Variants in NELL1 observed in about 807,000 individuals in gnomAD.
NELL1 encodes neural EGFL like 1.
In NELL1, 76 loss-of-function variants were observed where a neutral mutation model predicts 107.4. That is an observed-to-expected ratio of 0.71 (90% CI 0.59 to 0.86). The LOEUF (loss-of-function observed/expected upper bound fraction) is 0.86, where lower values mean the gene tolerates loss of function less well. NELL1 is among the 40% of genes least tolerant of loss of function. The probability of loss-of-function intolerance (pLI) is 0.00; values close to 1 mark genes in which losing one functional copy is unlikely to be tolerated. For synonymous variants in NELL1, 353 were observed against 341.2 expected, an observed-to-expected ratio of 1.03 and a Z score of -0.38; for missense variants, 1,024 against 1,005.5, an observed-to-expected ratio of 1.02 and a Z score of -0.25.
At chr11:20,947,550 C>T (rs1850989524) in intron 11 of NELL1, 115 bp downstream of exon 11, 2 of 741,626 alleles carry the variant, frequency 2.7e-6, no homozygotes, top group Non-Finnish European at 2.4e-6. Context: ...CTGTGCGCTG[C>T]TCCTTAAAAA....
At chr11:21,100,022 T>C (rs998136655) in intron 12 of NELL1, among the ~76,000 whole-genome samples, 3 of 139,380 alleles carry the variant, frequency 2.2e-5, no homozygotes, top group Admixed American at 7.0e-5. Context: ...ATTTTAGCCC[T>C]TTTTTTTTTT....
intron 15 of NELL1, among the ~76,000 whole-genome samples, chr11:21,525,630 G>C (rs1855833058): frequency 6.6e-6 from 1 of 152,064 alleles, no homozygotes; most frequent in Admixed American, 6.6e-5. Context: ...TCTGAGACTG[G>C]GTAATTTAGA....
Position 21,546,515 on chromosome 11 carries a change from G to A in NELL1, c.1786+12001G>A, listed in dbSNP as rs763138263. Among the ~76,000 whole-genome samples, 4 of 152,040 alleles carry A rather than the reference G, an allele frequency of 2.6e-5. 1 individual carries two copies. In the South Asian group the frequency reaches 6.2e-4, roughly 24 times the overall value. ...ACCAGTGGGAGGTAACTGAATCATG[G>A]GGGAGGGTTTTCCCTGCTACTCTCA... On this transcript the variant is annotated intron_variant, in intron 16 of 19. Coordinates refer to ENST00000357134, the MANE Select transcript of NELL1 (RefSeq NM_006157.5).
intron 4 of NELL1, among the ~76,000 whole-genome samples, chr11:20,878,477 T>C (rs1481809990): frequency 6.6e-6 from 1 of 152,122 alleles, no homozygotes; most frequent in Non-Finnish European, 1.5e-5. Context: ...GTTGTCTGCC[T>C]GATAGATTCA....
chr11:20,797,216 C>T (rs1195098496), intron 3 of NELL1, among the ~76,000 whole-genome samples: 1 of 152,158 alleles, frequency 6.6e-6, no homozygotes, highest in Non-Finnish European at 1.5e-5. Flanking sequence ...AGAAAGACCA[C>T]ACTGGCTGCT....
intron 15 of NELL1, among the ~76,000 whole-genome samples, chr11:21,429,355 T>C (rs1852911562): frequency 5.3e-5 from 8 of 152,218 alleles, no homozygotes; most frequent in Admixed American, 3.9e-4. Context: ...TTTTAACTGA[T>C]TTTCAATCAA....
chr11:20,737,883 C>G (rs1039109722), intron 2 of NELL1, among the ~76,000 whole-genome samples: 3 of 151,026 alleles, frequency 2.0e-5, no homozygotes, highest in African/African-American at 7.3e-5. Flanking sequence ...GTGCAATGCT[C>G]AGAGTTGGAA....
intron 14 of NELL1, among the ~76,000 whole-genome samples, chr11:21,308,305 G>T (rs1179663260): frequency 6.6e-6 from 1 of 151,936 alleles, no homozygotes; most frequent in Non-Finnish European, 1.5e-5. Flanking sequence ...TTGAAAATCT[G>T]GTTTCTGAGC....
At chr11:21,359,509 T>A (rs1851023002) in intron 14 of NELL1, among the ~76,000 whole-genome samples, 1 of 152,198 alleles carries the variant, frequency 6.6e-6, no homozygotes, top group African/African-American at 2.4e-5. Flanking sequence ...AGGGTAATAC[T>A]GGCTTCATAA....
chr11:21,354,142 A>G (rs1200813004), intron 14 of NELL1, among the ~76,000 whole-genome samples: 1 of 152,154 alleles, frequency 6.6e-6, no homozygotes, highest in Non-Finnish European at 1.5e-5. Context: ...TCACATAGCT[A>G]GAAAATGGCA....
chr11:21,574,014 G>A (rs1182412653), intron 19 of NELL1, among the ~76,000 whole-genome samples: 2 of 151,904 alleles, frequency 1.3e-5, no homozygotes. Flanking sequence ...ACATCCTCAT[G>A]TGTCATTAAG....
chr11:21,291,232 A>G (rs1849252921), intron 14 of NELL1, among the ~76,000 whole-genome samples: 1 of 152,196 alleles, frequency 6.6e-6, no homozygotes, highest in African/African-American at 2.4e-5. Context: ...CAAGTGGAAG[A>G]CAGGATATCA....
intron 2 of NELL1, among the ~76,000 whole-genome samples, chr11:20,695,409 A>G (rs549926067): frequency 6.6e-6 from 1 of 152,114 alleles, no homozygotes; most frequent in Admixed American, 6.6e-5. Context: ...TGCCTGTCCA[A>G]TACGATGGTG....
intron 5 of NELL1, among the ~76,000 whole-genome samples, chr11:20,904,673 C>T (rs1488145512): frequency 6.6e-6 from 1 of 152,066 alleles, no homozygotes; most frequent in East Asian, 1.9e-4. Context: ...TGGCTGATCC[C>T]TAGGATCAGT....
Position 20,885,490 on chromosome 11 carries a change from G to C in NELL1, c.553G>C (p.Gly185Arg). 6.2e-7 allele frequency: 1 copy of C among 1,613,726 alleles called. No individual in the cohort carries two copies. The highest frequency in any genetic ancestry group is 2.2e-5 in the East Asian group (1 of 44,874). The part of the protein sequence containing the change: ...IDPPDTNLPP[G>R]INLWLGQRNQ... ...CCCTCCAGATACCAACCTTCCCCCA[G>C]GAATCAATTTATGGCTTGGCCAGCG... The change falls in exon 5 of 20, where the codon GGA becomes CGA. Residue 185 changes from glycine to arginine, a missense_variant. Coordinates refer to ENST00000357134, the MANE Select transcript of NELL1 (RefSeq NM_006157.5).
intron 13 of NELL1, among the ~76,000 whole-genome samples, chr11:21,206,395 A>G (rs1448516907): frequency 6.6e-6 from 1 of 152,118 alleles, no homozygotes; most frequent in Non-Finnish European, 1.5e-5. Flanking sequence ...TCATTTTAAC[A>G]AATTATATCT....
intron 7 of NELL1, among the ~76,000 whole-genome samples, chr11:20,920,225 C>CA (rs35943039): frequency 0.92 from 140,579 of 152,022 alleles, 65,156 homozygotes; most frequent in East Asian, 1. Flanking sequence ...TTATACTCTG[C>CA]AAAAGAAGAA....
At chr11:21,088,059 C>CTGTGTGTGTGTGTG (rs56900585) in intron 12 of NELL1, among the ~76,000 whole-genome samples, 2 of 135,992 alleles carry the variant, frequency 1.5e-5, no homozygotes, top group South Asian at 2.6e-4. Flanking sequence ...CCCAGTAGCT[C>CTGTGTGTGTGTGTG]TGTGTGTGTG....
intron 13 of NELL1, among the ~76,000 whole-genome samples, chr11:21,178,915 G>T (rs532563281): frequency 6.6e-6 from 1 of 151,878 alleles, no homozygotes; most frequent in East Asian, 1.9e-4. Flanking sequence ...CTCAGAGATG[G>T]GAAAGAATGG....
Sources: allele counts gnomAD v4.1 joint callset (sites outside exome capture counted in the v4.1 genomes callset), GRCh38; gene constraint gnomAD v4.1.1; transcripts MANE v1.5; gene names NCBI Gene and HGNC (gene_info 2026-07-23, HGNC 2026-07-21).